The following POLQ variants were observed in gnomAD, a reference collection of about 807,000 sequenced individuals.
POLQ encodes the protein epididymis secretory sperm binding protein.
In POLQ, 233 loss-of-function variants were observed where a neutral mutation model predicts 259.2. The ratio of observed to expected loss-of-function variants is 0.90; its 90% CI spans 0.81 to 1.00. POLQ has a LOEUF of 1.00. POLQ is among the 50% of genes least tolerant of loss of function. The probability of loss-of-function intolerance (pLI) is 0.00; values close to 1 mark genes in which losing one functional copy is unlikely to be tolerated. For missense variants in POLQ, 2,871 were observed against 3,051.6 expected (o/e 0.94, Z 1.39); for synonymous variants, 1,025 against 1,048.8 (o/e 0.98, Z 0.44).
At chr3:121,435,809 T>C (rs968848566) in intron 28 of POLQ, among the ~76,000 whole-genome samples, 3 of 152,236 alleles carry the variant, frequency 2.0e-5, no homozygotes, top group African/African-American at 7.2e-5. Flanking sequence ...TCAAGAATTT[T>C]CTTTAGTTCT....
chr3:121,525,400 AG>A (rs1292814050), intron 7 of POLQ, among the ~76,000 whole-genome samples: 1 of 152,016 alleles, frequency 6.6e-6, no homozygotes, highest in Non-Finnish European at 1.5e-5. Flanking sequence ...AACTGGAAGT[AG>A]ATCATCATAA....
intron 19 of POLQ, among the ~76,000 whole-genome samples, chr3:121,479,978 T>C (rs1175698810): frequency 6.6e-6 from 1 of 151,748 alleles, no homozygotes; most frequent in East Asian, 1.9e-4. Context: ...TTGGGAAAAC[T>C]TCAAGTGACA....
chr3:121,480,500 T>G (rs974049191), intron 19 of POLQ, among the ~76,000 whole-genome samples: 1 of 152,096 alleles, frequency 6.6e-6, no homozygotes, highest in African/African-American at 2.4e-5. Context: ...CACCCTTTTT[T>G]TTTTGAGATG....
chr3:121,451,753 G>A (rs537446205), intron 25 of POLQ, among the ~76,000 whole-genome samples: 1 of 152,312 alleles, frequency 6.6e-6, no homozygotes, highest in South Asian at 2.1e-4. Context: ...ACTTGAGGGG[G>A]CAATCTGTCC....
At position 121,539,598 on chromosome 3, in the gene POLQ, A is replaced by G. The variant is rs769167471; in HGVS notation, c.475-9T>C. 2.5e-6 allele frequency: 4 copies of G among 1,609,092 alleles called. No individual in the cohort carries two copies. In the Admixed American group the frequency reaches 6.7e-5, roughly 27 times the overall value. ...ACTTCCTGAAACAGACTCTGAATTG[A>G]GTAAAAAGGAACAATACAGGTGAAA... On this transcript the variant is annotated splice_polypyrimidine_tract_variant and intron_variant, in intron 3 of 29. Coordinates refer to ENST00000264233, the MANE Select transcript of POLQ (RefSeq NM_199420.4).
rs2047498939 is a variant in POLQ at position 121,432,176 on chromosome 3, A to AT, written c.*127dup. On this transcript the variant is annotated 3_prime_UTR_variant, in exon 30 of 30. Coordinates refer to ENST00000264233, the MANE Select transcript of POLQ (RefSeq NM_199420.4). The stretch of plus-strand genomic sequence containing the variant: ...TATAGTTTGAAACTCTCACTATAAA[A>AT]TTACTAGGCTAAGTCTATCAAGACT... 1 of 848,714 alleles carries AT rather than the reference A, an allele frequency of 1.2e-6. No individual in the cohort carries two copies. Among genetic ancestry groups the AT allele is most frequent in the East Asian group, 3.1e-5 (1 of 32,480 alleles). The allele number at this position is 848,714 out of a possible 1,614,324, so 52.6% of individuals were successfully genotyped here.
intron 25 of POLQ, among the ~76,000 whole-genome samples, chr3:121,455,819 G>C (rs2108781573): frequency 6.6e-6 from 1 of 152,310 alleles, no homozygotes; most frequent in African/African-American, 2.4e-5. Flanking sequence ...GGAGGAACTG[G>C]TACCATTCCT....
chr3:121,503,657 G>A (rs1228907230), intron 12 of POLQ, among the ~76,000 whole-genome samples: 3 of 152,160 alleles, frequency 2.0e-5, no homozygotes, highest in African/African-American at 7.2e-5. Flanking sequence ...AGGACCTCCT[G>A]CAGATAACAA....
At chr3:121,449,802 A>G (rs1226281946) in intron 25 of POLQ, among the ~76,000 whole-genome samples, 1 of 152,192 alleles carries the variant, frequency 6.6e-6, no homozygotes, top group Non-Finnish European at 1.5e-5. Flanking sequence ...AGCATTACCA[A>G]CATCCCTCTT....
chr3:121,508,016 ATTTTTTTTT>A (rs4048669), intron 12 of POLQ, among the ~76,000 whole-genome samples: 3 of 129,648 alleles, frequency 2.3e-5, no homozygotes, highest in African/African-American at 8.8e-5. Flanking sequence ...ACCATACACA[ATTTTTTTTT>A]TTTTTTTTTT....
chr3:121,481,864 ATG>A (rs746288190), intron 18 of POLQ, 52 bp from the exon 19 acceptor site: 1 of 1,493,382 alleles, frequency 6.7e-7, no homozygotes, highest in African/African-American at 1.4e-5. Context: ...AAAGACACTT[ATG>A]TACCTCTAAA....
chr3:121,439,543 T>G (rs978251692), intron 27 of POLQ, among the ~76,000 whole-genome samples: 1 of 152,206 alleles, frequency 6.6e-6, no homozygotes, highest in African/African-American at 2.4e-5. Flanking sequence ...AGATAGTGCT[T>G]TTAAAATAAG....
intron 15 of POLQ, among the ~76,000 whole-genome samples, chr3:121,493,163 C>G (rs894004590): frequency 2.6e-5 from 4 of 151,628 alleles, no homozygotes; most frequent in African/African-American, 9.7e-5. Context: ...TTAGCTGGGC[C>G]TGGTGGTGGG....
intron 7 of POLQ, among the ~76,000 whole-genome samples, 169 bp downstream of exon 7, chr3:121,529,476 C>T (rs993668641): frequency 1.3e-4 from 20 of 152,172 alleles, no homozygotes; most frequent in African/African-American, 4.1e-4. Context: ...ATACTAGGGA[C>T]GGAATATTAT....
At chr3:121,517,305 AAG>A (rs1274334903) in intron 9 of POLQ, among the ~76,000 whole-genome samples, 1 of 152,222 alleles carries the variant, frequency 6.6e-6, no homozygotes, top group Admixed American at 6.5e-5. Context: ...TAGGTAAAGT[AAG>A]AGAGAAACAG....
At chr3:121,516,157 A>G (rs961875010) in intron 9 of POLQ, among the ~76,000 whole-genome samples, 12 of 152,204 alleles carry the variant, frequency 7.9e-5, no homozygotes, top group African/African-American at 2.9e-4. Flanking sequence ...AGAATAAATG[A>G]TAAGTATTTG....
intron 12 of POLQ, among the ~76,000 whole-genome samples, chr3:121,501,858 C>T (rs1196501790): frequency 6.6e-6 from 1 of 150,540 alleles, no homozygotes; most frequent in Non-Finnish European, 1.5e-5. Flanking sequence ...GGAGTGGTGG[C>T]GCATGCCTGT....
intron 14 of POLQ, among the ~76,000 whole-genome samples, chr3:121,495,848 CAAAAAAAAAAA>C (rs34476932): frequency 3.6e-5 from 1 of 28,114 alleles, no homozygotes; most frequent in Admixed American, 3.6e-4. Context: ...GACTCTGTCT[CAAAAAAAAAAA>C]AAAAAAAAAA....
chr3:121,457,364 A>C (rs1576403735), intron 25 of POLQ, among the ~76,000 whole-genome samples: 1 of 152,232 alleles, frequency 6.6e-6, no homozygotes, highest in Non-Finnish European at 1.5e-5. Flanking sequence ...CAATGGCAAC[A>C]AAAGCCAAAA....
Sources: gnomAD v4.1 joint callset for allele counts (sites outside exome capture counted in the v4.1 genomes callset) on GRCh38, gnomAD v4.1.1 for gene constraint, MANE v1.5 for transcripts, NCBI Gene and HGNC (gene_info 2026-07-23, HGNC 2026-07-21) for gene names.